ASTN2: variants seen among roughly 807,000 people sequenced by gnomAD.
ASTN2 encodes astrotactin-2.
Under a neutral mutation model 139.8 loss-of-function variants are expected in ASTN2, and 54 were observed. That is an observed-to-expected ratio of 0.39 (90% CI 0.31 to 0.48). ASTN2 has a LOEUF of 0.48. Among genes scored for constraint, ASTN2 ranks in the 20% least tolerant of loss-of-function variants. ASTN2 has a pLI of 0.95. For missense variants in ASTN2, 1,565 were observed against 1,725.1 expected (o/e 0.91, Z 1.64); for synonymous variants, 756 against 719.5 (o/e 1.05, Z -0.81).
intron 10 of ASTN2, among the ~76,000 whole-genome samples, chr9:116,940,384 A>G (rs1782191912): frequency 6.6e-6 from 1 of 152,194 alleles, no homozygotes; most frequent in Non-Finnish European, 1.5e-5. Context: ...AGGCATTGCT[A>G]TCATAGGAGA....
intron 17 of ASTN2, among the ~76,000 whole-genome samples, chr9:116,640,247 C>G (rs533039444): frequency 6.6e-6 from 1 of 152,076 alleles, no homozygotes; most frequent in African/African-American, 2.4e-5. Flanking sequence ...ATAATCCCTT[C>G]CATTTCTGAG....
Position 116,926,210 on chromosome 9 carries a change from A to G in ASTN2, c.1889+48998T>C, listed in dbSNP as rs1041614141. On this transcript the variant is annotated intron_variant, in intron 10 of 22. Coordinates refer to ENST00000313400, the MANE Select transcript of ASTN2 (RefSeq NM_001365068.1). ...TACAGTGTCTAAGAAACCATCAATG[A>G]TGTCTTCAAGCTTCCTGCTGTAACC... Among the ~76,000 whole-genome samples, 5 of 152,246 alleles carry G rather than the reference A, an allele frequency of 3.3e-5. No homozygotes were observed. In the East Asian group the frequency reaches 9.7e-4, roughly 29 times the overall value.
chr9:116,867,263 A>G (rs1042830502), intron 10 of ASTN2, among the ~76,000 whole-genome samples: 1 of 152,254 alleles, frequency 6.6e-6, no homozygotes, highest in Middle Eastern at 3.4e-3. Context: ...AAGTGTGCCG[A>G]GGAGAGGGAG....
At chr9:117,021,730 T>G (rs1225365511) in intron 6 of ASTN2, among the ~76,000 whole-genome samples, 2 of 152,134 alleles carry the variant, frequency 1.3e-5, no homozygotes, top group African/African-American at 4.8e-5. Context: ...GCTATAAAAA[T>G]TTGGATAACA....
chr9:116,869,940 TA>T (rs1833113749), intron 10 of ASTN2, among the ~76,000 whole-genome samples: 1 of 126,528 alleles, frequency 7.9e-6, no homozygotes, highest in Admixed American at 8.1e-5. Context: ...CCCATTTCTA[TA>T]ATTTTTTTTT....
chr9:116,789,802 A>G (rs1830481856), intron 13 of ASTN2, among the ~76,000 whole-genome samples: 1 of 152,132 alleles, frequency 6.6e-6, no homozygotes, highest in Non-Finnish European at 1.5e-5. Context: ...CAGGACGCAC[A>G]CTACAACACA....
chr9:116,898,487 G>C (rs1037334181), intron 10 of ASTN2, among the ~76,000 whole-genome samples: 1 of 151,584 alleles, frequency 6.6e-6, no homozygotes, highest in Admixed American at 6.6e-5. Context: ...TCTCTGCTAA[G>C]AGCCTTCACT....
chr9:117,196,669 A>G (rs1444820281), intron 3 of ASTN2, among the ~76,000 whole-genome samples: 1 of 152,250 alleles, frequency 6.6e-6, no homozygotes, highest in South Asian at 2.1e-4. Flanking sequence ...TGCATACTGC[A>G]CACTTCACCA....
At chr9:117,178,842 A>G (rs1236191996) in intron 3 of ASTN2, among the ~76,000 whole-genome samples, 2 of 152,192 alleles carry the variant, frequency 1.3e-5, no homozygotes, top group Non-Finnish European at 2.9e-5. Context: ...TATTAGACAC[A>G]CATGGCTGCA....
intron 1 of ASTN2, among the ~76,000 whole-genome samples, chr9:117,344,663 C>T (rs1002590409): frequency 6.6e-6 from 1 of 152,150 alleles, no homozygotes; most frequent in Non-Finnish European, 1.5e-5. Context: ...CATCTCCTTA[C>T]TCCTCAATGA....
At chr9:116,510,592 C>T (rs1233495247) in intron 19 of ASTN2, among the ~76,000 whole-genome samples, 1 of 152,130 alleles carries the variant, frequency 6.6e-6, no homozygotes, top group African/African-American at 2.4e-5. Context: ...TTACCTTGGG[C>T]AGTATGGCCA....
intron 10 of ASTN2, among the ~76,000 whole-genome samples, chr9:116,928,927 G>A (rs907084006): frequency 3.3e-5 from 5 of 152,210 alleles, no homozygotes; most frequent in Non-Finnish European, 7.3e-5. Context: ...GACACTGGAA[G>A]CACAGAGAGG....
At chr9:117,342,260 T>C (rs1284134887) in intron 1 of ASTN2, among the ~76,000 whole-genome samples, 2 of 152,090 alleles carry the variant, frequency 1.3e-5, no homozygotes, top group East Asian at 1.9e-4. Flanking sequence ...GGAGCTTGAA[T>C]CCCCCATTCT....
At chr9:116,771,481 C>T (rs995901981) in intron 13 of ASTN2, among the ~76,000 whole-genome samples, 3 of 152,174 alleles carry the variant, frequency 2.0e-5, no homozygotes, top group Non-Finnish European at 2.9e-5. Flanking sequence ...CTTTCTCCCA[C>T]CATCCCATAA....
At chr9:117,351,455 C>T (rs765787241) in intron 1 of ASTN2, among the ~76,000 whole-genome samples, 8 of 152,274 alleles carry the variant, frequency 5.3e-5, no homozygotes, top group East Asian at 1.9e-4. Context: ...GCTGTTTTCT[C>T]GGCCTAAGCT....
intron 13 of ASTN2, among the ~76,000 whole-genome samples, chr9:116,759,694 C>A (rs370552353): frequency 6.6e-6 from 1 of 152,122 alleles, no homozygotes; most frequent in Non-Finnish European, 1.5e-5. Context: ...TTTCCAATTC[C>A]TTATCCTTCT....
At chr9:116,940,967 G>C (rs1257299927) in intron 10 of ASTN2, among the ~76,000 whole-genome samples, 1 of 152,168 alleles carries the variant, frequency 6.6e-6, no homozygotes, top group Non-Finnish European at 1.5e-5. Flanking sequence ...GTTGCCTACA[G>C]TATTCAGTAC....
At chr9:117,164,809 C>A (rs923285357) in intron 3 of ASTN2, among the ~76,000 whole-genome samples, 2 of 152,092 alleles carry the variant, frequency 1.3e-5, no homozygotes, top group Non-Finnish European at 2.9e-5. Flanking sequence ...GCATCTGATT[C>A]TCAGCAGGTG....
At chr9:117,090,400 T>G (rs1472325457) in intron 5 of ASTN2, among the ~76,000 whole-genome samples, 1 of 151,972 alleles carries the variant, frequency 6.6e-6, no homozygotes, top group East Asian at 1.9e-4. Context: ...TACAGTTCTG[T>G]GCTTTGGGAA....
Sources: gnomAD v4.1 joint callset for allele counts (sites outside exome capture counted in the v4.1 genomes callset) on GRCh38, gnomAD v4.1.1 for gene constraint, MANE v1.5 for transcripts, NCBI Gene and HGNC (gene_info 2026-07-23, HGNC 2026-07-21) for gene names.